TBC1D10A: variants seen among roughly 807,000 people sequenced by gnomAD.
TBC1D10A encodes EBP50-PDX interactor of 64 kDa.
Under a neutral mutation model 52.9 loss-of-function variants are expected in TBC1D10A, and 24 were observed. The ratio of observed to expected loss-of-function variants is 0.45; its 90% confidence interval spans 0.33 to 0.64. The LOEUF is 0.64. Ranked by LOEUF, TBC1D10A falls within the 30% of genes least tolerant of loss-of-function variation. The pLI is 0.02. For synonymous variants in TBC1D10A, 278 were observed against 282.9 expected (o/e 0.98, Z 0.17); for missense variants, 602 against 687.9 (o/e 0.88, Z 1.40).
chr22:30,300,933 C>T (rs576251349), intron 2 of TBC1D10A, among the ~76,000 whole-genome samples: 3 of 152,304 alleles, frequency 2.0e-5, no homozygotes, highest in African/African-American at 4.8e-5. Context: ...TGCTCAATTC[C>T]GGCTAGCTGT....
intron 1 of TBC1D10A, among the ~76,000 whole-genome samples, chr22:30,323,753 G>C (rs942870042): frequency 6.6e-6 from 1 of 152,114 alleles, no homozygotes; most frequent in African/African-American, 2.4e-5. Context: ...ATCGCCTGAG[G>C]TCAGGAGTTC....
chr22:30,306,803 C>A (rs1225870653), intron 1 of TBC1D10A, among the ~76,000 whole-genome samples: 1 of 152,148 alleles, frequency 6.6e-6, no homozygotes. Context: ...TCTGGCTGTA[C>A]CCAGCACTCA....
chr22:30,295,050 T>G lies in TBC1D10A; in HGVS notation c.530A>C (p.Gln177Pro). ...GGCCTTCAGCACACGGAATAGGTCC[T>G]GCTGGCTGTGGAGAGGCCGGGCAGA... ...MFVSRGGHGQ[Q>P]DLFRVLKAYT... The change falls in exon 5 of 9, where the codon CAG becomes CCG. Residue 177 changes from glutamine (Q) to proline (P), a missense_variant. By Grantham distance (76) the Gln-to-Pro change is moderately conservative. Transcript: ENST00000215790. 1 of 1,613,816 alleles carries G rather than the reference T, an allele frequency of 6.2e-7. No individual in the cohort carries two copies. Among genetic ancestry groups the G allele is most frequent in the Non-Finnish European group, 8.5e-7 (1 of 1,180,002 alleles).
At chr22:30,321,546 G>A (rs1930652843) in intron 1 of TBC1D10A, among the ~76,000 whole-genome samples, 2 of 152,246 alleles carry the variant, frequency 1.3e-5, no homozygotes, top group South Asian at 4.1e-4. Flanking sequence ...GAAAGGCCCA[G>A]GGAATGAGAA....
At chr22:30,295,902 G>A in intron 3 of TBC1D10A, 59 bp from the exon 4 acceptor site, 1 of 1,489,016 alleles carries the variant, frequency 6.7e-7, no homozygotes, top group Non-Finnish European at 9.1e-7. Flanking sequence ...TTGCTGACAG[G>A]ACACGGCTGC....
At chr22:30,325,918 T>C (rs1223286860) in intron 1 of TBC1D10A, among the ~76,000 whole-genome samples, 1 of 151,994 alleles carries the variant, frequency 6.6e-6, no homozygotes, top group East Asian at 1.9e-4. Flanking sequence ...TCTGTCCTAG[T>C]GGTGGGGCTC....
intron 2 of TBC1D10A, among the ~76,000 whole-genome samples, chr22:30,301,120 C>T (rs1463794317): frequency 1.3e-5 from 2 of 152,192 alleles, no homozygotes. Flanking sequence ...CTCCTAGCTG[C>T]ACCGCACAGG....
At chr22:30,313,747 ACT>A (rs1930478212) in intron 1 of TBC1D10A, among the ~76,000 whole-genome samples, 1 of 150,934 alleles carries the variant, frequency 6.6e-6, no homozygotes, top group Non-Finnish European at 1.5e-5. Context: ...GACCTCAGAC[ACT>A]CTGAATTTCA....
intron 1 of TBC1D10A, among the ~76,000 whole-genome samples, chr22:30,317,583 T>C (rs1930565944): frequency 6.6e-6 from 1 of 152,172 alleles, no homozygotes; most frequent in African/African-American, 2.4e-5. Flanking sequence ...CACAATCCTT[T>C]GTATACAACC....
At position 30,294,079 on chromosome 22, in the gene TBC1D10A, A is replaced by G; in HGVS notation, c.737T>C (p.Phe246Ser). Reference sequence around the variant, plus strand: ...CGGCGACACCTTCTGCAACAGCGAGAAAAGGATCTCCCCGTCCAGCTGGAT... The same window carrying G: ...CGGCGACACCTTCTGCAACAGCGAGGAAAGGATCTCCCCGTCCAGCTGGAT... Reference protein sequence around the residue: ...EAIQLDGEILFSLLQKVSPVA... With the variant: ...EAIQLDGEILSSLLQKVSPVA... The change falls in exon 7 of 9, where the codon TTC becomes TCC. Residue 246 changes from phenylalanine (F) to serine (S), a missense_variant. Transcript: ENST00000215790. 2 of 1,614,016 alleles carry G rather than the reference A, an allele frequency of 1.2e-6. No individual in the cohort carries two copies. The highest frequency in any genetic ancestry group is 1.7e-6 in the Non-Finnish European group (2 of 1,180,000).
chr22:30,324,554 T>C (rs1006796707), intron 1 of TBC1D10A, among the ~76,000 whole-genome samples: 6 of 152,136 alleles, frequency 3.9e-5, no homozygotes, highest in African/African-American at 1.4e-4. Context: ...GGCTGCCTGG[T>C]TGGGGACTAC....
intron 1 of TBC1D10A, among the ~76,000 whole-genome samples, chr22:30,325,740 G>C (rs934657635): frequency 3.2e-4 from 49 of 152,272 alleles, no homozygotes; most frequent in African/African-American, 1.1e-3. Context: ...GGGTGTCTGG[G>C]TGCTCTCGGG....
At chr22:30,312,191 A>T (rs1930439590) in intron 1 of TBC1D10A, among the ~76,000 whole-genome samples, 1 of 152,188 alleles carries the variant, frequency 6.6e-6, no homozygotes, top group African/African-American at 2.4e-5. Flanking sequence ...GAGTCCTTGG[A>T]TCACAATCTC....
In TBC1D10A at chr22:30,326,926, C is replaced by A; in HGVS notation, c.-45G>T. The A allele has an allele frequency of 7.2e-7, 1 of 1,387,994 alleles. No homozygotes were observed. The highest frequency in any genetic ancestry group is 9.3e-7 in the Non-Finnish European group (1 of 1,074,872). 86.0% of individuals were successfully genotyped at this position (1,387,994 alleles called of 1,614,324 possible). Reference sequence around the variant, plus strand: ...TGAGCTCCAGCGGCCACCTCAGCCGCCCTGCTGCCGCCGACGCCCCGCCCA... The same window carrying A: ...TGAGCTCCAGCGGCCACCTCAGCCGACCTGCTGCCGCCGACGCCCCGCCCA... On this transcript the variant is annotated 5_prime_UTR_variant, in exon 1 of 9. Coordinates refer to ENST00000215790, the MANE Select transcript of TBC1D10A (RefSeq NM_031937.3).
chr22:30,316,185 T>G (rs1224211747), intron 1 of TBC1D10A, among the ~76,000 whole-genome samples: 1 of 152,202 alleles, frequency 6.6e-6, no homozygotes, highest in Admixed American at 6.5e-5. Flanking sequence ...ACACCGATCC[T>G]GCACACAAAG....
At chr22:30,294,775 C>A in intron 6 of TBC1D10A, 21 bp downstream of exon 6, 1 of 1,614,002 alleles carries the variant, frequency 6.2e-7, no homozygotes, top group Non-Finnish European at 8.5e-7. Flanking sequence ...CAGGGCAAGT[C>A]CCAGGCCAGG....
intron 2 of TBC1D10A, among the ~76,000 whole-genome samples, chr22:30,302,976 C>T (rs1411798901): frequency 6.6e-6 from 1 of 152,194 alleles, no homozygotes; most frequent in Non-Finnish European, 1.5e-5. Flanking sequence ...ACTGTCTTAA[C>T]ATTGTTTTTT....
intron 1 of TBC1D10A, 44 bp downstream of exon 1, chr22:30,326,629 T>C: frequency 1.3e-6 from 2 of 1,547,462 alleles, no homozygotes; most frequent in South Asian, 1.1e-5. Flanking sequence ...TCGAGGCCCC[T>C]CGCGTGGGTG....
chr22:30,325,576 G>A (rs1437619392), intron 1 of TBC1D10A, among the ~76,000 whole-genome samples: 1 of 152,174 alleles, frequency 6.6e-6, no homozygotes, highest in Non-Finnish European at 1.5e-5. Flanking sequence ...GCTGGGATGG[G>A]AGTGGGGTAT....
Sources: gnomAD v4.1 joint callset for allele counts (sites outside exome capture counted in the v4.1 genomes callset) on GRCh38, gnomAD v4.1.1 for gene constraint, MANE v1.5 for transcripts, NCBI Gene and HGNC (gene_info 2026-07-23, HGNC 2026-07-21) for gene names.